The following PDE3B variants were observed in gnomAD, a reference collection of about 807,000 sequenced individuals.
PDE3B encodes cGMP-inhibited 3',5'-cyclic phosphodiesterase 3B.
A neutral mutation model predicts 116.8 loss-of-function variants in PDE3B; 66 were observed. The observed-to-expected ratio is 0.56, with a 90% CI of 0.46 to 0.69. The LOEUF (loss-of-function observed/expected upper bound fraction) is 0.69. PDE3B is among the 30% of genes least tolerant of loss of function. PDE3B has a pLI of 0.00. For synonymous variants in PDE3B, 595 were observed against 533.6 expected (o/e 1.12, Z -1.59); for missense variants, 1,384 against 1,368.1 (o/e 1.01, Z -0.18).
At chr11:14,835,412 TATG>T (rs1014278021) in intron 11 of PDE3B, among the ~76,000 whole-genome samples, 8 of 151,942 alleles carry the variant, frequency 5.3e-5, no homozygotes, top group African/African-American at 1.7e-4. Context: ...TCCCGAATAT[TATG>T]ATAATTAGTC....
At chr11:14,889,496 C>G in the PDE3B span, among the ~76,000 whole-genome samples, 2 of 152,196 alleles carry the variant, frequency 1.3e-5, no homozygotes, top group Admixed American at 1.3e-4. Context: ...AATGTCTACT[C>G]TTTGATGCAT....
chr11:14,889,403 A>G, the PDE3B span, among the ~76,000 whole-genome samples: 1,464 of 152,346 alleles, frequency 9.6e-3, 24 homozygotes, highest in African/African-American at 0.034. Context: ...GTTTCATACC[A>G]GGATAAAGAT....
intron 12 of PDE3B, among the ~76,000 whole-genome samples, chr11:14,858,775 T>C (rs1847894094): frequency 1.3e-5 from 2 of 152,192 alleles, no homozygotes; most frequent in Non-Finnish European, 2.9e-5. Flanking sequence ...CAGCACGGTG[T>C]CTGCAAAGAT....
chr11:14,685,803 A>G (rs1854857890), intron 1 of PDE3B, among the ~76,000 whole-genome samples: 1 of 152,124 alleles, frequency 6.6e-6, no homozygotes, highest in African/African-American at 2.4e-5. Flanking sequence ...AATTTAGGGT[A>G]TCACAGTAAG....
In PDE3B at chr11:14,867,508, A is replaced by T. The variant is rs1555008255; in HGVS notation, c.2889A>T (p.Gly963=). Residue 963 remains glycine, a splice_region_variant and synonymous_variant, in exon 15 of 16, where the codon GGA becomes GGT. Transcript: ENST00000282096. ...EGIVNEFYEQ[G]DEEANLGLPI... ...ACTTTTCTTTTTAAAATATGCAGGG[A>T]GATGAAGAAGCAAATCTTGGTCTGC... 1 of 1,613,030 alleles carries T rather than the reference A, an allele frequency of 6.2e-7. No homozygotes were observed. The highest frequency in any genetic ancestry group is 1.7e-5 in the Admixed American group (1 of 59,914).
chr11:14,838,209 G>A (rs757061412), intron 11 of PDE3B, among the ~76,000 whole-genome samples: 7 of 151,932 alleles, frequency 4.6e-5, no homozygotes, highest in African/African-American at 1.2e-4. Context: ...TCGATCTCCC[G>A]ACCTCGTGAT....
At chr11:14,653,964 C>T (rs1000184356) in intron 1 of PDE3B, among the ~76,000 whole-genome samples, 1 of 152,116 alleles carries the variant, frequency 6.6e-6, no homozygotes, top group African/African-American at 2.4e-5. Flanking sequence ...TACCACTGCA[C>T]TGCTGCCTGA....
chr11:14,725,289 T>TTCTTTCTC (rs1359308414), intron 1 of PDE3B, among the ~76,000 whole-genome samples: 9 of 148,492 alleles, frequency 6.1e-5, no homozygotes, highest in African/African-American at 2.2e-4. Context: ...CTTTCTTTCT[T>TTCTTTCTC]TTTCTTTCTT....
intron 7 of PDE3B, among the ~76,000 whole-genome samples, chr11:14,824,078 C>A (rs1329264607): frequency 6.6e-6 from 1 of 152,198 alleles, no homozygotes; most frequent in African/African-American, 2.4e-5. Context: ...TCGGACTGTT[C>A]TCCACGTAGG....
At position 14,763,840 on chromosome 11, in the gene PDE3B, G is replaced by A. The variant is rs1307739836; in HGVS notation, c.979-8097G>A. On this transcript the variant is annotated intron_variant, in intron 1 of 15. Transcript: ENST00000282096. ...TATTACCATTTTAGCATAGTGGAAA[G>A]GAATGAAATTGGAGGGAGATAAACC... Among the ~76,000 whole-genome samples, 7 of 152,224 alleles carry A rather than the reference G, an allele frequency of 4.6e-5. No individual in the cohort carries two copies. In the East Asian group the frequency reaches 1.4e-3, roughly 29 times the overall value.
At chr11:14,688,113 T>TTCTCTCTCTCTCTCTCTCTCTC (rs35700152) in intron 1 of PDE3B, among the ~76,000 whole-genome samples, 16 of 109,862 alleles carry the variant, frequency 1.5e-4, no homozygotes, top group African/African-American at 2.1e-4. Flanking sequence ...CTCTCTCTCT[T>TTCTCTCTCTCTCTCTCTCTCTC]TCTCTCTCTC....
At chr11:14,861,429 G>C in intron 14 of PDE3B, 63 bp downstream of exon 14, 1 of 1,457,764 alleles carries the variant, frequency 6.9e-7, no homozygotes, top group Non-Finnish European at 9.6e-7. Context: ...ACTACTCTTT[G>C]GGTTTTGGAT....
chr11:14,765,413 G>A (rs747721804), intron 1 of PDE3B, among the ~76,000 whole-genome samples: 1 of 151,766 alleles, frequency 6.6e-6, no homozygotes, highest in African/African-American at 2.4e-5. Context: ...GTAGAGCTCC[G>A]TAGAGCGTGT....
the PDE3B span, among the ~76,000 whole-genome samples, chr11:14,881,876 AC>A: frequency 1.3e-5 from 2 of 152,120 alleles, no homozygotes; most frequent in Non-Finnish European, 2.9e-5. Flanking sequence ...TTTATAGGTT[AC>A]CCAGCCTCGG....
At chr11:14,731,093 A>G (rs1277974259) in intron 1 of PDE3B, among the ~76,000 whole-genome samples, 1 of 152,096 alleles carries the variant, frequency 6.6e-6, no homozygotes, top group Admixed American at 6.5e-5. Context: ...TAATTTTTTA[A>G]CTTACATACA....
At chr11:14,662,110 C>A (rs1391538635) in intron 1 of PDE3B, among the ~76,000 whole-genome samples, 2 of 152,172 alleles carry the variant, frequency 1.3e-5, no homozygotes, top group Admixed American at 1.3e-4. Flanking sequence ...TGAGACAAAA[C>A]TTCCAGAGGA....
chr11:14,645,799 CA>C (rs1853385118), intron 1 of PDE3B, among the ~76,000 whole-genome samples: 1 of 151,698 alleles, frequency 6.6e-6, no homozygotes, highest in South Asian at 2.1e-4. Flanking sequence ...GGATTGAAAT[CA>C]TTAGCAAATG....
At chr11:14,802,659 C>T (rs1858810744) in intron 4 of PDE3B, among the ~76,000 whole-genome samples, 1 of 152,160 alleles carries the variant, frequency 6.6e-6, no homozygotes, top group Admixed American at 6.5e-5. Context: ...TACTGTTACT[C>T]TTCTTTTCCA....
Position 14,679,719 on chromosome 11 carries a change from T to G in PDE3B, c.978+34666T>G, listed in dbSNP as rs1590056605. Among the ~76,000 whole-genome samples the G allele has an allele frequency of 2.0e-5, 3 of 151,920 alleles. No individual in the cohort carries two copies. The East Asian group carries it at 5.9e-4, about 30-fold the overall frequency. On this transcript the variant is annotated intron_variant, in intron 1 of 15. Coordinates refer to ENST00000282096, the MANE Select transcript of PDE3B (RefSeq NM_000922.4). ...TGGAGCAGCTCAGGGCGAACTCACA[T>G]GTGTTTCAGGCAACTTAAATCTTCT...
Sources: gnomAD v4.1 joint callset for allele counts (sites outside exome capture counted in the v4.1 genomes callset) on GRCh38, gnomAD v4.1.1 for gene constraint, MANE v1.5 for transcripts, NCBI Gene and HGNC (gene_info 2026-07-23, HGNC 2026-07-21) for gene names.